RERG: variants seen among roughly 807,000 people sequenced by gnomAD.
The protein encoded by RERG is ras-related and estrogen-regulated growth inhibitor.
RERG carries 25 observed loss-of-function variants against 23.2 expected under a neutral mutation model. The observed-to-expected ratio is 1.08, with a 90% CI of 0.79 to 1.50. RERG has a LOEUF of 1.50. Among genes scored for constraint, RERG ranks in the 40% most tolerant of loss-of-function variants. The pLI is 0.00. For missense variants in RERG, 253 were observed against 250.1 expected (o/e 1.01, Z -0.08); for synonymous variants, 81 against 89.1 (o/e 0.91, Z 0.51).
chr12:15,195,749 A>G, intron 2 of RERG, among the ~76,000 whole-genome samples: 1 of 152,150 alleles, frequency 6.6e-6, no homozygotes, highest in Non-Finnish European at 1.5e-5. Flanking sequence ...GATACCTAGA[A>G]GTTGCATCAC....
At chr12:15,134,811 A>G (rs1864115766) in intron 2 of RERG, among the ~76,000 whole-genome samples, 1 of 152,022 alleles carries the variant, frequency 6.6e-6, no homozygotes, top group African/African-American at 2.4e-5. Context: ...GAGTTTCACC[A>G]TGTTGGCCAG....
intron 2 of RERG, among the ~76,000 whole-genome samples, chr12:15,183,539 C>G (rs535152246): frequency 6.6e-6 from 1 of 151,934 alleles, no homozygotes; most frequent in Non-Finnish European, 1.5e-5. Flanking sequence ...AGTATTCAAT[C>G]GAAGTTTCTA....
intron 3 of RERG, among the ~76,000 whole-genome samples, chr12:15,112,908 A>C (rs1281557031): frequency 1.3e-5 from 2 of 152,216 alleles, no homozygotes; most frequent in Non-Finnish European, 2.9e-5. Context: ...CATGAGGAAA[A>C]AGCTCTATAT....
At chr12:15,177,119 G>T (rs1029850105) in intron 2 of RERG, among the ~76,000 whole-genome samples, 1 of 152,128 alleles carries the variant, frequency 6.6e-6, no homozygotes, top group African/African-American at 2.4e-5. Context: ...ATAAATTTAA[G>T]ACCATATTTT....
intron 2 of RERG, among the ~76,000 whole-genome samples, chr12:15,140,377 T>C (rs372375878): frequency 2.0e-5 from 3 of 152,212 alleles, no homozygotes; most frequent in African/African-American, 7.2e-5. Context: ...ATATTCCTTA[T>C]CCATATGCTA....
chr12:15,139,361 A>T (rs549051013), intron 2 of RERG, among the ~76,000 whole-genome samples: 1 of 152,068 alleles, frequency 6.6e-6, no homozygotes, highest in Non-Finnish European at 1.5e-5. Flanking sequence ...CTACAAAATC[A>T]GTTGCTGGGA....
rs1175973983 is a variant in RERG at position 15,221,396 on chromosome 12, C to T, written c.-316G>A. 3 of 152,214 alleles carry T rather than the reference C, an allele frequency of 2.0e-5. No individual in the cohort carries two copies. The highest frequency in any genetic ancestry group is 7.2e-5 in the African/African-American group (3 of 41,452). The allele number at this position is 152,214 out of a possible 1,614,324, so 9.4% of individuals were successfully genotyped here. A position where few individuals can be genotyped will look rare whatever the true frequency, so the allele number is the denominator to read the frequency against. On this transcript the variant is annotated 5_prime_UTR_variant, in exon 1 of 5. Transcript: ENST00000256953. ...GGGGTCTCCTCACTCGCGCTCGCTC[C>T]GACTAGCGGCGGAGGGACTGCGGCA...
chr12:15,206,732 A>T (rs1046279429), intron 2 of RERG, among the ~76,000 whole-genome samples: 3 of 152,160 alleles, frequency 2.0e-5, no homozygotes, highest in African/African-American at 4.8e-5. Context: ...TCTGGTTTGC[A>T]GCAGCAGTGC....
In RERG at chr12:15,124,114, C is replaced by G. The variant is rs1591636713; in HGVS notation, c.62-2995G>C. ...CAAAATGGAAAATTTGGTAAAGAAA[C>G]ATTTAATCCAATAAAATATTTTTAA... On this transcript the variant is annotated intron_variant, in intron 2 of 4. Coordinates refer to ENST00000256953, the MANE Select transcript of RERG (RefSeq NM_032918.3). Among the ~76,000 whole-genome samples the G allele has an allele frequency of 3.9e-5, 6 of 152,064 alleles. No homozygotes were observed. The South Asian group carries it at 1.2e-3, about 32-fold the overall frequency.
intron 2 of RERG, among the ~76,000 whole-genome samples, chr12:15,209,570 C>T (rs567887071): frequency 4.7e-4 from 71 of 151,986 alleles, no homozygotes; most frequent in Middle Eastern, 3.4e-3. Flanking sequence ...TACAGGAGAA[C>T]GCTCTTTTAT....
chr12:15,135,996 T>C (rs183678513), intron 2 of RERG, among the ~76,000 whole-genome samples: 5 of 152,228 alleles, frequency 3.3e-5, no homozygotes, highest in East Asian at 3.9e-4. Flanking sequence ...GCTTAAATGA[T>C]AGAACTCACT....
intron 3 of RERG, 104 bp downstream of exon 3, chr12:15,120,959 C>T: frequency 1.2e-6 from 1 of 826,852 alleles, no homozygotes; most frequent in African/African-American, 1.7e-5. Flanking sequence ...AGCACTTCCA[C>T]ATCAGCTAAA....
chr12:15,117,904 G>T (rs552657328), intron 3 of RERG, among the ~76,000 whole-genome samples: 1 of 152,064 alleles, frequency 6.6e-6, no homozygotes, highest in Non-Finnish European at 1.5e-5. Flanking sequence ...GGTCCAACTC[G>T]CACATCTTAT....
At chr12:15,134,604 T>G (rs1864111984) in intron 2 of RERG, among the ~76,000 whole-genome samples, 1 of 151,980 alleles carries the variant, frequency 6.6e-6, no homozygotes, top group Admixed American at 6.6e-5. Context: ...CATATAAACT[T>G]TTTATTTTTC....
chr12:15,168,624 G>A (rs993746539), intron 2 of RERG, among the ~76,000 whole-genome samples: 17 of 152,160 alleles, frequency 1.1e-4, no homozygotes, highest in Admixed American at 1.3e-4. Flanking sequence ...GACTGTGTCC[G>A]CAGGTTTCAT....
intron 2 of RERG, among the ~76,000 whole-genome samples, chr12:15,166,993 T>C (rs1392375936): frequency 1.3e-5 from 2 of 152,202 alleles, no homozygotes; most frequent in Non-Finnish European, 2.9e-5. Flanking sequence ...TGCTTTCTCA[T>C]GTTCTAAGGT....
intron 2 of RERG, among the ~76,000 whole-genome samples, chr12:15,134,371 A>G (rs944818308): frequency 6.6e-6 from 1 of 152,038 alleles, no homozygotes; most frequent in Non-Finnish European, 1.5e-5. Context: ...TAAAAAGACT[A>G]TATTTTCTCC....
chr12:15,156,522 GATT>G (rs1565522552), intron 2 of RERG, among the ~76,000 whole-genome samples: 1 of 152,140 alleles, frequency 6.6e-6, no homozygotes, highest in Non-Finnish European at 1.5e-5. Flanking sequence ...TCTCTCTGAT[GATT>G]CAGAAATCAC....
At chr12:15,200,695 T>C (rs1865203559) in intron 2 of RERG, among the ~76,000 whole-genome samples, 1 of 151,982 alleles carries the variant, frequency 6.6e-6, no homozygotes, top group Admixed American at 6.6e-5. Flanking sequence ...TGATGAATAA[T>C]GAAGAAAATG....
Sources: gnomAD v4.1 joint callset for allele counts (sites outside exome capture counted in the v4.1 genomes callset) on GRCh38, gnomAD v4.1.1 for gene constraint, MANE v1.5 for transcripts, NCBI Gene and HGNC (gene_info 2026-07-23, HGNC 2026-07-21) for gene names.